ARHGAP20: variants seen among roughly 807,000 people sequenced by gnomAD.
ARHGAP20 encodes the protein Rho GTPase activating protein 20, also known as rho GTPase-activating protein 20.
Under a neutral mutation model 73.7 loss-of-function variants are expected in ARHGAP20, and 34 were observed. That is an observed-to-expected ratio of 0.46 (90% confidence interval 0.35 to 0.61). The LOEUF is 0.61. ARHGAP20 is among the 20% of genes least tolerant of loss of function. The probability of loss-of-function intolerance (pLI) is 0.00; values close to 1 mark genes in which losing one functional copy is unlikely to be tolerated. For synonymous variants in ARHGAP20, 523 were observed against 518.2 expected (o/e 1.01, Z -0.13); for missense variants, 1,314 against 1,420.9 (o/e 0.92, Z 1.21).
chr11:110,657,196 C>T (rs532606080), intron 2 of ARHGAP20, among the ~76,000 whole-genome samples: 1 of 151,862 alleles, frequency 6.6e-6, no homozygotes, highest in African/African-American at 2.4e-5. Flanking sequence ...TTTTCTCAAT[C>T]CTTGGTCCTT....
At chr11:110,660,061 C>CAAAAAAAAAAAAAACA in intron 2 of ARHGAP20, among the ~76,000 whole-genome samples, 1 of 69,250 alleles carries the variant, frequency 1.4e-5, no homozygotes. Flanking sequence ...TAATAAAAAA[C>CAAAAAAAAAAAAAACA]AAAAAAAAAA....
At chr11:110,610,749 G>A (rs1332572267) in intron 7 of ARHGAP20, among the ~76,000 whole-genome samples, 1 of 152,092 alleles carries the variant, frequency 6.6e-6, no homozygotes, top group East Asian at 1.9e-4. Flanking sequence ...GCACACTAAA[G>A]CTCTCGAAAT....
chr11:110,591,463 A>C (rs1947827359), intron 10 of ARHGAP20, among the ~76,000 whole-genome samples: 1 of 152,250 alleles, frequency 6.6e-6, no homozygotes, highest in South Asian at 2.1e-4. Context: ...TAGAGACTCA[A>C]TACTGCTTAG....
chr11:110,699,765 C>T lies in ARHGAP20; in HGVS notation c.106-9136G>A, dbSNP rs113708435. Among the ~76,000 whole-genome samples, 54 of 152,034 alleles carry T rather than the reference C, an allele frequency of 3.6e-4. 1 individual carries two copies. The highest frequency in any genetic ancestry group is 1.2e-3 in the African/African-American group (51 of 41,522). ...TGACATATCTTTTCTTACCCACTTA[C>T]TTCCTGTCTATTGTGATTTGCCACC... On this transcript the variant is annotated intron_variant, in intron 1 of 14. Coordinates refer to ENST00000683387, the MANE Select transcript of ARHGAP20 (RefSeq NM_001384657.1).
intron 2 of ARHGAP20, among the ~76,000 whole-genome samples, chr11:110,651,638 A>G (rs765103735): frequency 8.5e-5 from 13 of 152,066 alleles, no homozygotes; most frequent in Non-Finnish European, 8.8e-5. Flanking sequence ...GAAATGAGTA[A>G]GTTCCTGGAC....
At chr11:110,619,460 G>A (rs533880425) in intron 4 of ARHGAP20, among the ~76,000 whole-genome samples, 1 of 152,096 alleles carries the variant, frequency 6.6e-6, no homozygotes, top group Admixed American at 6.5e-5. Context: ...TGTAGTGATA[G>A]TGTATATGTA....
intron 2 of ARHGAP20, among the ~76,000 whole-genome samples, chr11:110,676,529 G>C (rs539075233): frequency 1.3e-5 from 2 of 152,100 alleles, no homozygotes; most frequent in Non-Finnish European, 2.9e-5. Context: ...TATCATGATG[G>C]TAACCACCCC....
At chr11:110,697,612 G>A (rs531719968) in intron 1 of ARHGAP20, among the ~76,000 whole-genome samples, 6 of 151,546 alleles carry the variant, frequency 4.0e-5, no homozygotes, top group Admixed American at 2.0e-4. Context: ...TGTTGCATTT[G>A]CATTTGTCTA....
chr11:110,580,562 T>C lies in ARHGAP20; in HGVS notation c.2384A>G (p.Lys795Arg). The C allele has an allele frequency of 6.2e-7, 1 of 1,614,248 alleles. No individual in the cohort carries two copies. Among genetic ancestry groups the C allele is most frequent in the Non-Finnish European group, 8.5e-7 (1 of 1,180,048 alleles). ...CACAGAAATGGCCACTGGCTTAGAC[T>C]TAGGGAAAAGTTTCACGTGATTTCC... is the stretch of plus-strand genomic sequence containing the variant. The part of the protein sequence containing the change: ...SEGNHVKLFP[K>R]SKPVAISVAS... The change falls in exon 15 of 15, where the codon AAG becomes AGG. Residue 795 changes from lysine to arginine, a missense_variant. Physicochemically the swap from Lys to Arg is conservative, Grantham distance 26. Transcript: ENST00000683387.
chr11:110,672,904 C>T (rs988165076), intron 2 of ARHGAP20, among the ~76,000 whole-genome samples: 1 of 152,190 alleles, frequency 6.6e-6, no homozygotes, highest in African/African-American at 2.4e-5. Context: ...TGAAGACATA[C>T]ATCCACATAA....
At chr11:110,688,354 C>T (rs1203826290) in intron 2 of ARHGAP20, among the ~76,000 whole-genome samples, 1 of 151,644 alleles carries the variant, frequency 6.6e-6, no homozygotes, top group African/African-American at 2.4e-5. Context: ...CAGATTCTCA[C>T]CCTGGAGTAG....
chr11:110,624,687 T>C (rs563812437), intron 3 of ARHGAP20, among the ~76,000 whole-genome samples: 7 of 152,164 alleles, frequency 4.6e-5, no homozygotes, highest in African/African-American at 1.4e-4. Context: ...AAAAGGACCA[T>C]TTTCACTAAT....
chr11:110,671,591 A>T (rs1231947022), intron 2 of ARHGAP20, among the ~76,000 whole-genome samples: 1 of 152,162 alleles, frequency 6.6e-6, no homozygotes, highest in East Asian at 1.9e-4. Context: ...TGTATGTAGA[A>T]TATCCTGAAA....
chr11:110,708,149 A>G (rs1278621747), intron 1 of ARHGAP20, among the ~76,000 whole-genome samples: 1 of 152,186 alleles, frequency 6.6e-6, no homozygotes. Context: ...AAGCACGTGA[A>G]AAGATGCTCA....
chr11:110,617,855 G>A (rs181685351), intron 4 of ARHGAP20, among the ~76,000 whole-genome samples: 2 of 152,228 alleles, frequency 1.3e-5, no homozygotes, highest in Non-Finnish European at 2.9e-5. Flanking sequence ...CAGGACAGGA[G>A]AAAGCAGTGT....
At chr11:110,609,230 AATC>A (rs1307089184) in intron 7 of ARHGAP20, among the ~76,000 whole-genome samples, 180 bp from the exon 8 acceptor site, 1 of 152,088 alleles carries the variant, frequency 6.6e-6, no homozygotes, top group Non-Finnish European at 1.5e-5. Context: ...CAGAGTGTAA[AATC>A]ATAGCTGGGC....
In ARHGAP20 at chr11:110,626,287, T is replaced by C. The variant is rs115445416; in HGVS notation, c.354-1976A>G. Among the ~76,000 whole-genome samples, 211 of 152,290 alleles carry C rather than the reference T, an allele frequency of 1.4e-3. 1 individual carries two copies. The highest frequency in any genetic ancestry group is 4.7e-3 in the African/African-American group (195 of 41,544). On this transcript the variant is annotated intron_variant, in intron 3 of 14. Transcript: ENST00000683387. ...TATCATGTGGGAACATCCACATCCG[T>C]TGACCTGGAAAAAAAGTCATCCCAA...
chr11:110,612,329 G>A (rs1361472069), intron 6 of ARHGAP20, among the ~76,000 whole-genome samples: 2 of 151,816 alleles, frequency 1.3e-5, no homozygotes, highest in South Asian at 2.1e-4. Context: ...TCGGGAGGCT[G>A]AGGCAGGAGA....
At chr11:110,711,238 C>T (rs1950646811) in intron 1 of ARHGAP20, among the ~76,000 whole-genome samples, 1 of 152,124 alleles carries the variant, frequency 6.6e-6, no homozygotes, top group African/African-American at 2.4e-5. Context: ...CGGAATGGAA[C>T]GCTACAAGTT....
Sources: allele counts gnomAD v4.1 joint callset (sites outside exome capture counted in the v4.1 genomes callset), GRCh38; gene constraint gnomAD v4.1.1; transcripts MANE v1.5; gene names NCBI Gene and HGNC (gene_info 2026-07-23, HGNC 2026-07-21).